Variants in FHOD1 observed in about 807,000 individuals in gnomAD.
The protein encoded by FHOD1 is FH1/FH2 domain-containing protein 1.
A neutral mutation model predicts 111.6 loss-of-function variants in FHOD1; 89 were observed. The observed-to-expected ratio is 0.80, with a 90% CI of 0.67 to 0.95. FHOD1 has a LOEUF of 0.95. Among genes scored for constraint, FHOD1 ranks in the 40% least tolerant of loss-of-function variants. The pLI, the probability that FHOD1 is intolerant of heterozygous loss-of-function variation, is 0.00. For synonymous variants in FHOD1, 618 were observed against 639.0 expected (o/e 0.97, Z 0.50); for missense variants, 1,446 against 1,554.2 (o/e 0.93, Z 1.17).
At position 67,231,164 on chromosome 16, in the gene FHOD1, T is replaced by TAAA. The variant is rs753432566; in HGVS notation, c.2667+23_2667+24insTTT. The TAAA allele has an allele frequency of 6.2e-7, 1 of 1,612,864 alleles. No individual in the cohort carries two copies. The highest frequency in any genetic ancestry group is 1.1e-5 in the South Asian group (1 of 90,974). ...GCGCTCCTCATGCCTTGTCCGGCCT[T>TAAA]GGTTGATTCTGGCAGGTGCTAACCT... On this transcript the variant is annotated intron_variant, in intron 17 of 21. Coordinates refer to ENST00000258201, the MANE Select transcript of FHOD1 (RefSeq NM_013241.3). The surrounding 1 kb of genome is among the most constrained non-coding windows in gnomAD (Gnocchi z 4.3).
At chr16:67,245,726 C>G (rs1296656933) in intron 1 of FHOD1, among the ~76,000 whole-genome samples, 5 of 151,248 alleles carry the variant, frequency 3.3e-5, no homozygotes, top group Non-Finnish European at 7.4e-5. Context: ...GCCTGGGAGA[C>G]AGAGCCAGAA....
At position 67,233,685 on chromosome 16, in the gene FHOD1, G is replaced by A; in HGVS notation, c.2018C>T (p.Ser673Phe). ...GGAGGGCAGCACCTCTTTGGCACGA[G>A]ACTCAAAGAGGTGTTCCAGTCGGGC... ...DTARLEHLFE[S>F]RAKEVLPSKK... is the part of the protein sequence containing the mutation. The change falls in exon 13 of 22, where the codon TCT (serine) becomes TTT (phenylalanine). Residue 673 changes from serine (S) to phenylalanine (F), a missense_variant. This residue lies in a region of FHOD1 where 1,085 missense variants were observed against 1,108.8 expected (regional missense o/e 0.98). Transcript: ENST00000258201. 2.5e-6 allele frequency: 4 copies of A among 1,602,358 alleles called. No individual in the cohort carries two copies. Among genetic ancestry groups the A allele is most frequent in the Non-Finnish European group, 3.4e-6 (4 of 1,170,792 alleles).
chr16:67,238,967 G>C lies in FHOD1; in HGVS notation c.309C>G (p.Ser103Arg). Residue 103 changes from serine to arginine, a missense_variant and splice_region_variant, in exon 3 of 22, where the codon AGC becomes AGG. Physicochemically the swap from Ser to Arg is moderately radical, Grantham distance 110. Coordinates refer to ENST00000258201, the MANE Select transcript of FHOD1 (RefSeq NM_013241.3). This position sits in a 1 kb window ranked among gnomAD's most constrained non-coding sequence, Gnocchi z 4.2. ...GGATCAGCGTGGGCTTCCGCCCTTT[G>C]CTGGAATCAAGGATCTCTGTTAGCA... ...EMLEGFYEEI[S>R]KGRKPTLILR... The C allele has an allele frequency of 6.2e-7, 1 of 1,614,072 alleles. No homozygotes were observed. The highest frequency in any genetic ancestry group is 8.5e-7 in the Non-Finnish European group (1 of 1,179,948).
Position 67,230,726 on chromosome 16 carries a change from C to T in FHOD1, c.2733G>A (p.Glu911=), listed in dbSNP as rs6499117. ...QLERRSRAAE[E]SLRSLAKHEL... ...CATGCTTGGCCAAGCTCCGCAGGCTCTCCTCGGCTGCCCGGCTCCGGCGCT... is the reference window on the plus strand; with the variant it reads ...CATGCTTGGCCAAGCTCCGCAGGCTTTCCTCGGCTGCCCGGCTCCGGCGCT... Residue 911 remains glutamate (E), a synonymous_variant, in exon 18 of 22, where the codon GAG becomes GAA. Coordinates refer to ENST00000258201, the MANE Select transcript of FHOD1 (RefSeq NM_013241.3). 0.017 allele frequency: 27,453 copies of T among 1,612,266 alleles called. 3,749 individuals are homozygous for T. The African/African-American group carries it at 0.31, about 18-fold the overall frequency.
chr16:67,246,909 C>T (rs2034865146), intron 1 of FHOD1: 1 of 420,500 alleles, frequency 2.4e-6, no homozygotes, highest in Non-Finnish European at 4.2e-6. Context: ...GTCACTCTGA[C>T]CAGGGAAGCC....
Position 67,231,789 on chromosome 16 carries a change from C to A in FHOD1, c.2233G>T (p.Glu745Ter). Residue 745 changes from glutamate to a stop codon, truncating the protein, a stop_gained, in exon 15 of 22, where the codon GAG (glutamate) becomes TAG (stop). Transcript: ENST00000258201. LOFTEE classifies it high-confidence loss of function. The surrounding 1 kb of genome is among the most constrained non-coding windows in gnomAD (Gnocchi z 4.3). Reference protein sequence around the residue: ...KLLTMMPTEEERQKIEEAQLA... With the variant: ...KLLTMMPTEE ...TGGGCTTCCTCAATCTTCTGCCGCTCTTCCTCCGTGGGCATCATGGTCAGT... is the reference window on the plus strand; with the variant it reads ...TGGGCTTCCTCAATCTTCTGCCGCTATTCCTCCGTGGGCATCATGGTCAGT... 10 of 1,614,214 alleles carry A rather than the reference C, an allele frequency of 6.2e-6. No homozygotes were observed. Among genetic ancestry groups the A allele is most frequent in the Non-Finnish European group, 8.5e-6 (10 of 1,180,026 alleles).
At position 67,238,822 on chromosome 16, in the gene FHOD1, T is replaced by G; in HGVS notation, c.373+81A>C. 7.3e-7 allele frequency: 1 copy of G among 1,379,156 alleles called. No homozygotes were observed. Among genetic ancestry groups the G allele is most frequent in the Non-Finnish European group, 1.0e-6 (1 of 965,868 alleles). The allele number at this position is 1,379,156 out of a possible 1,614,324, so 85.4% of individuals were successfully genotyped here. On this transcript the variant is annotated intron_variant, in intron 3 of 21. Coordinates refer to ENST00000258201, the MANE Select transcript of FHOD1 (RefSeq NM_013241.3). The surrounding 1 kb of genome is among the most constrained non-coding windows in gnomAD (Gnocchi z 4.2). ...ATACAGCTAAACCTACTTTGCTCAC[T>G]GTTCAGCACAGGCCTGAAGGTGAGC...
In FHOD1 at chr16:67,237,804, A is replaced by T; in HGVS notation, c.643-36T>A. ...AGGTCAGTACATATGAGTGGGGCTT[A>T]GGCCAGACCTGTGCCAGCTGTTGCT... On this transcript the variant is annotated intron_variant, in intron 6 of 21. Coordinates refer to ENST00000258201, the MANE Select transcript of FHOD1 (RefSeq NM_013241.3). The surrounding 1 kb of genome is among the most constrained non-coding windows in gnomAD (Gnocchi z 5.6). 6.4e-7 allele frequency: 1 copy of T among 1,573,332 alleles called. No homozygotes were observed. Among genetic ancestry groups the T allele is most frequent in the Admixed American group, 1.7e-5 (1 of 59,938 alleles).
At position 67,237,165 on chromosome 16, in the gene FHOD1, G is replaced by T. The variant is rs1305757751; in HGVS notation, c.994-51C>A. On this transcript the variant is annotated intron_variant, in intron 9 of 21. Transcript: ENST00000258201. The surrounding 1 kb of genome is among the most constrained non-coding windows in gnomAD (Gnocchi z 5.6). ...GAAAGTGGTTAACGTGTATGCAGGT[G>T]GGGTGGGGCGCTGGGGACTGCGCTT... is the stretch of plus-strand genomic sequence containing the variant. 1.2e-6 allele frequency: 2 copies of T among 1,602,076 alleles called. No homozygotes were observed. Among genetic ancestry groups the T allele is most frequent in the South Asian group, 1.1e-5 (1 of 90,084 alleles).
chr16:67,229,630 G>T lies in FHOD1; in HGVS notation c.*6C>A. The T allele has an allele frequency of 7.4e-6, 12 of 1,613,062 alleles. No homozygotes were observed. The highest frequency in any genetic ancestry group is 1.0e-5 in the Non-Finnish European group (12 of 1,179,008). ...GGTCCAGATAGATTTCCGGGATACA[G>T]CACCTTCACACCTCCAGGCCAGGAC... is the stretch of plus-strand genomic sequence containing the variant. On this transcript the variant is annotated 3_prime_UTR_variant, in exon 22 of 22. Coordinates refer to ENST00000258201, the MANE Select transcript of FHOD1 (RefSeq NM_013241.3).
Position 67,238,385 on chromosome 16 carries a change from A to C in FHOD1, c.436T>G (p.Phe146Val). 1 of 1,614,158 alleles carries C rather than the reference A, an allele frequency of 6.2e-7. No individual in the cohort carries two copies. The highest frequency in any genetic ancestry group is 2.2e-5 in the East Asian group (1 of 44,876). ...RRSLFSLKQIFQEDKDLVPEF... is the reference protein window; with the variant it reads ...RRSLFSLKQIVQEDKDLVPEF... ...AGCCCACTGCGGGGCCTCACCTGGA[A>C]GATCTGCTTCAGTGAGAAGAGGGAG... is the stretch of plus-strand genomic sequence containing the variant. Residue 146 changes from phenylalanine (F) to valine (V), a missense_variant, in exon 4 of 22, where the codon TTC (phenylalanine) becomes GTC (valine). Physicochemically the swap from Phe to Val is conservative, Grantham distance 50. Coordinates refer to ENST00000258201, the MANE Select transcript of FHOD1 (RefSeq NM_013241.3). The surrounding 1 kb of genome is among the most constrained non-coding windows in gnomAD (Gnocchi z 4.2).
chr16:67,230,596 C>G lies in FHOD1; in HGVS notation c.2858+5G>C, dbSNP rs376886788. 1.5e-5 allele frequency: 24 copies of G among 1,614,086 alleles called. No homozygotes were observed. The highest frequency in any genetic ancestry group is 1.9e-5 in the Non-Finnish European group (23 of 1,179,970). Reference sequence around the variant, plus strand: ...GTCCTGCCTCTCTTGGGTCCATGCCCCTACCTATTGCAGACACGGCGGTGC... The same window carrying G: ...GTCCTGCCTCTCTTGGGTCCATGCCGCTACCTATTGCAGACACGGCGGTGC... On this transcript the variant is annotated splice_donor_5th_base_variant and intron_variant, in intron 18 of 21. Coordinates refer to ENST00000258201, the MANE Select transcript of FHOD1 (RefSeq NM_013241.3).
At position 67,236,991 on chromosome 16, in the gene FHOD1, A is replaced by G; in HGVS notation, c.1117T>C (p.Cys373Arg). The G allele has an allele frequency of 6.2e-7, 1 of 1,603,210 alleles. No homozygotes were observed. Among genetic ancestry groups the G allele is most frequent in the South Asian group, 1.1e-5 (1 of 89,974 alleles). Residue 373 changes from cysteine (C) to arginine (R), a missense_variant, in exon 10 of 22, where the codon TGC becomes CGC. Cys to Arg is a radical substitution (Grantham distance 180). This residue lies in a region of FHOD1 where 1,085 missense variants were observed against 1,108.8 expected (regional missense o/e 0.98). Coordinates refer to ENST00000258201, the MANE Select transcript of FHOD1 (RefSeq NM_013241.3). ...CCAGGTTCCGGGGCACGCGCGGGGC[A>G]GCCCCCGCCTTCCAGAGAACGGCGG... ...RSRRSLEGGG[C>R]PARAPEPGPT...
Position 67,238,726 on chromosome 16 carries a change from A to G in FHOD1, c.373+177T>C, listed in dbSNP as rs1230541246. ...GCTACCACGCCTGGTCTATTCTAAC[A>G]TTCTTGAATCCCCCTCCACTCCCAC... On this transcript the variant is annotated intron_variant, in intron 3 of 21. Coordinates refer to ENST00000258201, the MANE Select transcript of FHOD1 (RefSeq NM_013241.3). This position sits in a 1 kb window ranked among gnomAD's most constrained non-coding sequence, Gnocchi z 4.2. 1.4e-6 allele frequency: 1 copy of G among 691,636 alleles called. No individual in the cohort carries two copies. The highest frequency in any genetic ancestry group is 1.8e-5 in the African/African-American group (1 of 56,192). 42.8% of individuals were successfully genotyped at this position (691,636 alleles called of 1,614,324 possible). A position where few individuals can be genotyped will look rare whatever the true frequency, so the allele number is the denominator to read the frequency against.
Position 67,229,904 on chromosome 16 carries a change from T to G in FHOD1, c.3301A>C (p.Ser1101Arg). The G allele has an allele frequency of 6.2e-7, 1 of 1,614,216 alleles. No individual in the cohort carries two copies. Among genetic ancestry groups the G allele is most frequent in the Non-Finnish European group, 8.5e-7 (1 of 1,180,032 alleles). Residue 1101 changes from serine (S) to arginine (R), a missense_variant, in exon 21 of 22, where the codon AGT (serine) becomes CGT (arginine). Ser to Arg is a moderately radical substitution (Grantham distance 110). This residue lies in a region of FHOD1 where 1,085 missense variants were observed against 1,108.8 expected (regional missense o/e 0.98). Coordinates refer to ENST00000258201, the MANE Select transcript of FHOD1 (RefSeq NM_013241.3). ...PEEPPGSSLP[S>R]DTSDEIMDLL... The stretch of plus-strand genomic sequence containing the variant: ...TCCATGATCTCATCTGATGTATCAC[T>G]GGGTAAACTGGAGCCTGGGGGTTCT...
At chr16:67,244,786 G>A (rs1449156775) in intron 1 of FHOD1, among the ~76,000 whole-genome samples, 1 of 152,146 alleles carries the variant, frequency 6.6e-6, no homozygotes, top group East Asian at 1.9e-4. Flanking sequence ...TACATAGGAC[G>A]AAGCAATGAG....
Position 67,238,051 on chromosome 16 carries a change from T to C in FHOD1, c.625A>G (p.Thr209Ala). ...CCACTTACCAGGCTGGCACACAATG[T>C]GTACAGCCACTGAATAGTGTCACTG... Reference protein sequence around the residue: ...AHSDTIQWLYTLCASLSRLVV... With the variant: ...AHSDTIQWLYALCASLSRLVV... Residue 209 changes from threonine (T) to alanine (A), a missense_variant, in exon 6 of 22, where the codon ACA becomes GCA. Thr to Ala is a moderately conservative substitution (Grantham distance 58). Coordinates refer to ENST00000258201, the MANE Select transcript of FHOD1 (RefSeq NM_013241.3). This position sits in a 1 kb window ranked among gnomAD's most constrained non-coding sequence, Gnocchi z 4.2. The C allele has an allele frequency of 1.2e-6, 2 of 1,614,060 alleles. No homozygotes were observed. The highest frequency in any genetic ancestry group is 1.7e-6 in the Non-Finnish European group (2 of 1,179,944).
rs745349213 is a variant in FHOD1 at position 67,230,541 on chromosome 16, C to T, written c.2859-35G>A. The T allele has an allele frequency of 5.6e-5, 90 of 1,613,280 alleles. 1 individual carries two copies. The South Asian group carries it at 9.0e-4, about 16-fold the overall frequency. Reference sequence around the variant, plus strand: ...TCAGAGTAGGGAGGGACAGTAAGTCCTGCTTATTGTCTGAGGGAGGGTGGT... The same window carrying T: ...TCAGAGTAGGGAGGGACAGTAAGTCTTGCTTATTGTCTGAGGGAGGGTGGT... On this transcript the variant is annotated intron_variant, in intron 18 of 21. Coordinates refer to ENST00000258201, the MANE Select transcript of FHOD1 (RefSeq NM_013241.3).
chr16:67,234,790 G>T, intron 11 of FHOD1: 1 of 316,280 alleles, frequency 3.2e-6, no homozygotes. Flanking sequence ...TTTAGAGACA[G>T]GGTCTCACTC....
Sources: gnomAD v4.1 joint callset for allele counts (sites outside exome capture counted in the v4.1 genomes callset) on GRCh38, gnomAD v4.1.1 for gene constraint, gnomAD v4.1.1 regional missense constraint, Gnocchi (gnomAD v3.1) non-coding constraint, MANE v1.5 for transcripts, NCBI Gene and HGNC (gene_info 2026-07-23, HGNC 2026-07-21) for gene names.